Variants in GPD2 observed in about 807,000 individuals in gnomAD.
GPD2 encodes the protein glycerol-3-phosphate dehydrogenase 2, also known as glycerol-3-phosphate dehydrogenase, mitochondrial.
Under a neutral mutation model 82.4 loss-of-function variants are expected in GPD2, and 54 were observed. The observed-to-expected ratio is 0.66, with a 90% confidence interval of 0.53 to 0.82. The LOEUF (loss-of-function observed/expected upper bound fraction) is 0.82. GPD2 is among the 40% of genes least tolerant of loss of function. GPD2 has a pLI of 0.00. For missense variants in GPD2, 748 were observed against 896.2 expected, an observed-to-expected ratio of 0.83 and a Z score of 2.11; for synonymous variants, 288 against 306.1, an observed-to-expected ratio of 0.94 and a Z score of 0.62.
intron 15 of GPD2, among the ~76,000 whole-genome samples, chr2:156,579,476 G>A (rs903431369): frequency 2.6e-5 from 4 of 151,472 alleles, no homozygotes; most frequent in East Asian, 3.9e-4. Flanking sequence ...CTACAAGTGC[G>A]CACCACCATG....
intron 1 of GPD2, among the ~76,000 whole-genome samples, chr2:156,466,738 T>C (rs529806460): frequency 1.3e-5 from 2 of 152,332 alleles, no homozygotes; most frequent in African/African-American, 2.4e-5. Context: ...AGAAATCCCA[T>C]GTAATAATGT....
the GPD2 span, among the ~76,000 whole-genome samples, chr2:156,429,432 T>C: frequency 6.6e-6 from 1 of 152,234 alleles, no homozygotes; most frequent in East Asian, 1.9e-4. Context: ...GAGACAACAT[T>C]ATTGAGTTTA....
chr2:156,501,225 A>G (rs778268824), intron 3 of GPD2, among the ~76,000 whole-genome samples: 3 of 152,170 alleles, frequency 2.0e-5, no homozygotes, highest in Non-Finnish European at 2.9e-5. Flanking sequence ...TTCAAATTCC[A>G]GAGAAGACTG....
chr2:156,513,618 C>A, intron 6 of GPD2, 122 bp downstream of exon 6: 1 of 769,294 alleles, frequency 1.3e-6, no homozygotes, highest in Non-Finnish European at 2.2e-6. Context: ...AACACACAAA[C>A]ACACGTGCAC....
In GPD2 at chr2:156,492,147, C is replaced by CTTTTTTTTT. The variant is rs770947790; in HGVS notation, c.103-3880_103-3872dup. ...CCACCACTTGGTATTCCCTCCCTAC[C>CTTTTTTTTT]TTTTTTTTTTTTTTTTTTTTTTTTT... On this transcript the variant is annotated intron_variant, in intron 2 of 16. Coordinates refer to ENST00000438166, the MANE Select transcript of GPD2 (RefSeq NM_000408.5). Among the ~76,000 whole-genome samples, 8 of 75,470 alleles carry CTTTTTTTTT rather than the reference C, an allele frequency of 1.1e-4. 1 individual carries two copies. Among genetic ancestry groups the CTTTTTTTTT allele is most frequent in the African/African-American group, 1.6e-4 (3 of 18,602 alleles). The allele number at this position is 75,470 out of a possible 152,430, so 49.5% of individuals were successfully genotyped here. A position where few individuals can be genotyped will look rare whatever the true frequency, so the allele number is the denominator to read the frequency against.
intron 6 of GPD2, among the ~76,000 whole-genome samples, chr2:156,541,405 A>ATC (rs1267461209): frequency 1.3e-5 from 2 of 152,200 alleles, no homozygotes; most frequent in African/African-American, 4.8e-5. Context: ...TTGCTCTTGT[A>ATC]TCTCTGTTCC....
chr2:156,409,280 A>C, the GPD2 span, among the ~76,000 whole-genome samples: 76 of 152,342 alleles, frequency 5.0e-4, 1 homozygote, highest in African/African-American at 1.7e-3. Context: ...AGCAGTTAGG[A>C]TACTATAGTC....
At chr2:156,405,300 T>G in the GPD2 span, among the ~76,000 whole-genome samples, 1 of 152,026 alleles carries the variant, frequency 6.6e-6, no homozygotes, top group African/African-American at 2.4e-5. Flanking sequence ...AATTCTGACT[T>G]TGAAGTAAGT....
At chr2:156,562,191 A>C (rs1687200449) in intron 9 of GPD2, among the ~76,000 whole-genome samples, 1 of 152,220 alleles carries the variant, frequency 6.6e-6, no homozygotes, top group African/African-American at 2.4e-5. Flanking sequence ...GTACTTCTTT[A>C]GGCAGCTTCT....
chr2:156,525,327 G>C (rs962069188), intron 6 of GPD2, among the ~76,000 whole-genome samples: 1 of 152,144 alleles, frequency 6.6e-6, no homozygotes, highest in African/African-American at 2.4e-5. Context: ...GATGATTTCT[G>C]TGCTGTTTGC....
At chr2:156,426,352 C>T in the GPD2 span, among the ~76,000 whole-genome samples, 1 of 152,230 alleles carries the variant, frequency 6.6e-6, no homozygotes, top group Non-Finnish European at 1.5e-5. Flanking sequence ...CACAAGGCAG[C>T]AGGAAGAAGT....
At chr2:156,474,299 G>A (rs1443126780) in intron 1 of GPD2, among the ~76,000 whole-genome samples, 1 of 152,152 alleles carries the variant, frequency 6.6e-6, no homozygotes. Flanking sequence ...CAACTATATT[G>A]CAATTCTTTA....
intron 1 of GPD2, among the ~76,000 whole-genome samples, chr2:156,466,476 A>G (rs996704201): frequency 1.3e-5 from 2 of 152,346 alleles, no homozygotes; most frequent in South Asian, 2.1e-4. Flanking sequence ...ATTTGTGACT[A>G]TAGTTCCAGT....
chr2:156,576,871 T>C (rs1036111607), intron 13 of GPD2, among the ~76,000 whole-genome samples: 1 of 152,100 alleles, frequency 6.6e-6, no homozygotes, highest in Non-Finnish European at 1.5e-5. Flanking sequence ...TTTGAACAAG[T>C]TGTGTAGAAA....
At chr2:156,510,692 G>C (rs1209738519) in intron 3 of GPD2, 104 bp from the exon 4 acceptor site, 17 of 878,600 alleles carry the variant, frequency 1.9e-5, no homozygotes, top group Admixed American at 7.4e-5. Flanking sequence ...TCCATGTTCA[G>C]AGTAATTTTT....
At chr2:156,557,002 A>C (rs1171140653) in intron 8 of GPD2, among the ~76,000 whole-genome samples, 1 of 152,214 alleles carries the variant, frequency 6.6e-6, no homozygotes, top group African/African-American at 2.4e-5. Context: ...GGCTGAAGAC[A>C]TATCCTTAAT....
chr2:156,419,248 G>A, the GPD2 span, among the ~76,000 whole-genome samples: 2 of 151,796 alleles, frequency 1.3e-5, no homozygotes, highest in South Asian at 4.2e-4. Context: ...TAGTAGAGAC[G>A]AGGGTTCTCC....
At chr2:156,509,998 G>T (rs1684935995) in intron 3 of GPD2, among the ~76,000 whole-genome samples, 1 of 151,884 alleles carries the variant, frequency 6.6e-6, no homozygotes, top group South Asian at 2.1e-4. Flanking sequence ...GGCCAGGTTG[G>T]TCTTGAACTC....
At chr2:156,425,089 A>ATT in the GPD2 span, among the ~76,000 whole-genome samples, 50,028 of 148,626 alleles carry the variant, frequency 0.34, 8,749 homozygotes, top group East Asian at 0.57. Context: ...TATTCATTTT[A>ATT]TTTTTTTTTT....
Sources: allele counts gnomAD v4.1 joint callset (sites outside exome capture counted in the v4.1 genomes callset), GRCh38; gene constraint gnomAD v4.1.1; transcripts MANE v1.5; gene names NCBI Gene and HGNC (gene_info 2026-07-23, HGNC 2026-07-21).